Variants in TBC1D5 observed in about 807,000 individuals in gnomAD.
TBC1D5 encodes TBC1 domain family, member 5.
Under a neutral mutation model 100.3 loss-of-function variants are expected in TBC1D5, and 75 were observed. The ratio of observed to expected loss-of-function variants is 0.75; its 90% CI spans 0.62 to 0.91. The LOEUF is 0.91. Among genes scored for constraint, TBC1D5 ranks in the 40% least tolerant of loss-of-function variants. TBC1D5 has a pLI of 0.00. For missense variants in TBC1D5, 910 were observed against 942.4 expected (o/e 0.97, Z 0.45); for synonymous variants, 323 against 325.6 (o/e 0.99, Z 0.09).
chr3:17,253,389 AAG>A (rs1442482098), intron 16 of TBC1D5, among the ~76,000 whole-genome samples: 1 of 152,220 alleles, frequency 6.6e-6, no homozygotes, highest in Non-Finnish European at 1.5e-5. Flanking sequence ...GCTCTTTCTG[AAG>A]AGAGTTGTTA....
At chr3:17,407,083 G>GA (rs1475491362) in intron 4 of TBC1D5, among the ~76,000 whole-genome samples, 10 of 151,860 alleles carry the variant, frequency 6.6e-5, no homozygotes, top group South Asian at 2.1e-4. Flanking sequence ...GGGCAAATTT[G>GA]AAAAAAACAT....
intron 2 of TBC1D5, among the ~76,000 whole-genome samples, chr3:17,582,854 C>T (rs568454488): frequency 6.6e-6 from 1 of 151,542 alleles, no homozygotes; most frequent in South Asian, 2.1e-4. Flanking sequence ...AGATTTTGAG[C>T]AAATGAAGAA....
intron 4 of TBC1D5, among the ~76,000 whole-genome samples, chr3:17,416,417 G>A (rs1006944560): frequency 7.0e-4 from 106 of 152,248 alleles, no homozygotes; most frequent in African/African-American, 2.4e-3. Context: ...TATTGGACAG[G>A]GAAGCTTAAA....
intron 14 of TBC1D5, among the ~76,000 whole-genome samples, chr3:17,301,218 A>G (rs1397933835): frequency 6.6e-6 from 1 of 152,200 alleles, no homozygotes; most frequent in Non-Finnish European, 1.5e-5. Flanking sequence ...TACAAGACAA[A>G]TAAAAGGTAT....
At chr3:17,343,058 AATGCTTCCAGT>A (rs1374001361) in intron 13 of TBC1D5, among the ~76,000 whole-genome samples, 20 of 152,200 alleles carry the variant, frequency 1.3e-4, no homozygotes, top group African/African-American at 4.6e-4. Context: ...TTTCAAAGGG[AATGCTTCCAGT>A]TTTTGCCCAT....
intron 21 of TBC1D5, among the ~76,000 whole-genome samples, chr3:17,163,744 T>C (rs1559330044): frequency 6.6e-6 from 1 of 152,200 alleles, no homozygotes; most frequent in African/African-American, 2.4e-5. Flanking sequence ...TCTGTGCTAC[T>C]CAATACAGCA....
At chr3:17,733,975 T>C (rs2076765060) in intron 1 of TBC1D5, among the ~76,000 whole-genome samples, 1 of 152,072 alleles carries the variant, frequency 6.6e-6, no homozygotes, top group African/African-American at 2.4e-5. Flanking sequence ...GAAAATGGGT[T>C]CCAGCCTGGG....
At chr3:17,312,287 T>G (rs948848313) in intron 13 of TBC1D5, among the ~76,000 whole-genome samples, 7 of 152,132 alleles carry the variant, frequency 4.6e-5, no homozygotes, top group Non-Finnish European at 1.0e-4. Context: ...GTTTTACACT[T>G]ACTAGTCTTC....
At chr3:17,258,179 CTG>C in intron 16 of TBC1D5, among the ~76,000 whole-genome samples, 1 of 152,116 alleles carries the variant, frequency 6.6e-6, no homozygotes, top group Admixed American at 6.5e-5. Context: ...TATTATAAAA[CTG>C]TCTCTTTTCA....
At chr3:17,604,640 T>C (rs1030107741) in intron 2 of TBC1D5, among the ~76,000 whole-genome samples, 7 of 152,190 alleles carry the variant, frequency 4.6e-5, no homozygotes, top group African/African-American at 1.7e-4. Context: ...ACAATGTAAC[T>C]ACATATAACT....
chr3:17,330,338 G>A (rs936123069), intron 13 of TBC1D5, among the ~76,000 whole-genome samples: 12 of 151,944 alleles, frequency 7.9e-5, no homozygotes, highest in African/African-American at 2.7e-4. Flanking sequence ...AGGTGCTCAG[G>A]GTAATCTCTC....
intron 2 of TBC1D5, among the ~76,000 whole-genome samples, chr3:17,514,272 C>G (rs1235873356): frequency 6.6e-6 from 1 of 152,122 alleles, no homozygotes; most frequent in Non-Finnish European, 1.5e-5. Context: ...AACAGGGGGT[C>G]TGTTTCTCAC....
chr3:17,288,834 G>A (rs1006150725), intron 15 of TBC1D5, among the ~76,000 whole-genome samples: 5 of 152,176 alleles, frequency 3.3e-5, no homozygotes. Flanking sequence ...ACCAAAGGCT[G>A]TAACAACTGT....
At chr3:17,377,862 C>A (rs1258831106) in intron 9 of TBC1D5, among the ~76,000 whole-genome samples, 1 of 151,816 alleles carries the variant, frequency 6.6e-6, no homozygotes, top group Non-Finnish European at 1.5e-5. Context: ...TGATTTAGGA[C>A]AAATGACCAC....
At chr3:17,735,750 G>C (rs930418485) in intron 1 of TBC1D5, among the ~76,000 whole-genome samples, 5 of 152,218 alleles carry the variant, frequency 3.3e-5, no homozygotes, top group Non-Finnish European at 7.3e-5. Context: ...GCTGGATCAG[G>C]AGCACAGCGG....
At chr3:17,448,831 C>G (rs2149678028) in intron 3 of TBC1D5, among the ~76,000 whole-genome samples, 1 of 152,316 alleles carries the variant, frequency 6.6e-6, no homozygotes, top group Non-Finnish European at 1.5e-5. Flanking sequence ...TAATGAACAT[C>G]AGCTTTAACT....
At chr3:17,431,022 A>G (rs2094438814) in intron 3 of TBC1D5, among the ~76,000 whole-genome samples, 1 of 151,940 alleles carries the variant, frequency 6.6e-6, no homozygotes. Flanking sequence ...GAAATAAACA[A>G]GTGTTACTTT....
intron 13 of TBC1D5, among the ~76,000 whole-genome samples, chr3:17,318,880 C>T (rs1255508476): frequency 1.3e-5 from 2 of 152,094 alleles, no homozygotes; most frequent in African/African-American, 2.4e-5. Context: ...TTTGATGAAT[C>T]GCAATCTGCT....
chr3:17,309,505 A>T (rs898989510), intron 13 of TBC1D5, among the ~76,000 whole-genome samples: 3 of 152,032 alleles, frequency 2.0e-5, no homozygotes, highest in African/African-American at 4.8e-5. Flanking sequence ...TTCAATTTTT[A>T]AAAATGTTAC....
Sources: gnomAD v4.1 joint callset for allele counts (sites outside exome capture counted in the v4.1 genomes callset) on GRCh38, gnomAD v4.1.1 for gene constraint, MANE v1.5 for transcripts, NCBI Gene and HGNC (gene_info 2026-07-23, HGNC 2026-07-21) for gene names.